The following CALN1 variants were observed in gnomAD, a reference collection of about 807,000 sequenced individuals.
CALN1 encodes the protein calneuron 1, also known as calcium-binding protein 8.
Under a neutral mutation model 30.6 loss-of-function variants are expected in CALN1, and 17 were observed. The observed-to-expected ratio is 0.56, with a 90% confidence interval of 0.38 to 0.83. The LOEUF is 0.83. CALN1 is among the 40% of genes least tolerant of loss of function. The pLI is 0.00. For missense variants in CALN1, 291 were observed against 354.9 expected (o/e 0.82, Z 1.45); for synonymous variants, 156 against 131.4 (o/e 1.19, Z -1.28).
At chr7:72,138,952 G>A (rs918272579) in intron 3 of CALN1, among the ~76,000 whole-genome samples, 11 of 152,134 alleles carry the variant, frequency 7.2e-5, no homozygotes, top group East Asian at 1.9e-4. Flanking sequence ...CCTTCTACCC[G>A]AACGCATTCG....
chr7:72,208,979 T>C (rs1562738841), intron 3 of CALN1, among the ~76,000 whole-genome samples: 2 of 149,488 alleles, frequency 1.3e-5, no homozygotes, highest in Admixed American at 6.7e-5. Context: ...TTCCTTCCTT[T>C]TCCTACTTCC....
chr7:72,164,082 T>C (rs1247149213), intron 3 of CALN1, among the ~76,000 whole-genome samples: 1 of 152,038 alleles, frequency 6.6e-6, no homozygotes, highest in African/African-American at 2.4e-5. Context: ...AAGATGGCCA[T>C]ATGGACCAGG....
At chr7:72,301,924 C>T (rs1475545296) in intron 2 of CALN1, among the ~76,000 whole-genome samples, 8 of 152,064 alleles carry the variant, frequency 5.3e-5, no homozygotes, top group African/African-American at 1.9e-4. Context: ...AAACCAGTGT[C>T]ACCGACAAGC....
chr7:72,254,629 G>T (rs1437869039), intron 3 of CALN1, among the ~76,000 whole-genome samples: 1 of 152,006 alleles, frequency 6.6e-6, no homozygotes, highest in African/African-American at 2.4e-5. Context: ...TCACTCCGTT[G>T]TTTTTTTATT....
chr7:72,056,752 C>T (rs573997308), intron 4 of CALN1, among the ~76,000 whole-genome samples: 8 of 151,996 alleles, frequency 5.3e-5, no homozygotes, highest in South Asian at 4.2e-4. Flanking sequence ...TCTTCAAATA[C>T]GAAGAAATTC....
At chr7:71,934,528 C>T (rs938157006) in intron 5 of CALN1, among the ~76,000 whole-genome samples, 3 of 152,118 alleles carry the variant, frequency 2.0e-5, no homozygotes, top group Non-Finnish European at 2.9e-5. Flanking sequence ...AGGTGTGCCA[C>T]GTGACAAGAA....
At chr7:72,408,266 C>T (rs1276779543) in intron 1 of CALN1, among the ~76,000 whole-genome samples, 3 of 111,592 alleles carry the variant, frequency 2.7e-5, no homozygotes, top group African/African-American at 1.1e-4. Context: ...AACCCCATCT[C>T]TATTAAAAAA....
chr7:72,359,191 C>T lies in CALN1; in HGVS notation c.119+44060G>A, dbSNP rs141467332. On this transcript the variant is annotated intron_variant, in intron 2 of 6. Coordinates refer to ENST00000395275, the MANE Select transcript of CALN1 (RefSeq NM_031468.4). ...GATTTTACTTTGCTAATTAGCATAACGCTCTATTTTAGAAGCCAGACCATG... is the reference window on the plus strand; with the variant it reads ...GATTTTACTTTGCTAATTAGCATAATGCTCTATTTTAGAAGCCAGACCATG... Among the ~76,000 whole-genome samples the T allele has an allele frequency of 4.7e-3, 709 of 152,198 alleles. 5 individuals carry two copies. Among genetic ancestry groups the T allele is most frequent in the African/African-American group, 0.016 (682 of 41,518 alleles).
chr7:72,175,732 C>G (rs973445549), intron 3 of CALN1, among the ~76,000 whole-genome samples: 1 of 151,810 alleles, frequency 6.6e-6, no homozygotes, highest in Non-Finnish European at 1.5e-5. Context: ...CTTTAAGTTC[C>G]AGCTCCCTTT....
chr7:72,007,178 G>A (rs1304811131), intron 5 of CALN1, among the ~76,000 whole-genome samples: 4 of 152,302 alleles, frequency 2.6e-5, no homozygotes, highest in Admixed American at 6.5e-5. Context: ...CGTATGGCAC[G>A]TGACTGACTT....
intron 3 of CALN1, among the ~76,000 whole-genome samples, chr7:72,130,878 A>G (rs1212715115): frequency 3.4e-5 from 3 of 88,754 alleles, no homozygotes; most frequent in Non-Finnish European, 6.6e-5. Context: ...TTTCTTAGGT[A>G]ATTTGAATAA....
chr7:72,117,662 A>G (rs977894672), intron 3 of CALN1, among the ~76,000 whole-genome samples: 2 of 152,034 alleles, frequency 1.3e-5, no homozygotes, highest in Non-Finnish European at 2.9e-5. Context: ...ATTGCTTAAG[A>G]ATGAGTCACT....
At chr7:72,344,574 A>T (rs1040792185) in intron 2 of CALN1, among the ~76,000 whole-genome samples, 67 of 147,278 alleles carry the variant, frequency 4.5e-4, no homozygotes, top group African/African-American at 1.6e-3. Flanking sequence ...ATATTTATTT[A>T]TATATTCTAT....
At chr7:71,968,094 A>T (rs1340541487) in intron 5 of CALN1, among the ~76,000 whole-genome samples, 3 of 152,214 alleles carry the variant, frequency 2.0e-5, no homozygotes, top group Non-Finnish European at 4.4e-5. Context: ...GAATATTTAT[A>T]GCGACTCTAT....
chr7:72,317,062 G>C (rs140329687), intron 2 of CALN1, among the ~76,000 whole-genome samples: 54,974 of 96,770 alleles, frequency 0.57, 13,558 homozygotes, highest in South Asian at 0.73. Flanking sequence ...AAGAGAGAGA[G>C]AGAAAGAGAG....
At chr7:72,194,059 T>C (rs940652200) in intron 3 of CALN1, among the ~76,000 whole-genome samples, 1 of 152,124 alleles carries the variant, frequency 6.6e-6, no homozygotes, top group Non-Finnish European at 1.5e-5. Flanking sequence ...ACTCAAGAAC[T>C]TAGTCATCTA....
chr7:72,238,141 G>C (rs896560507), intron 3 of CALN1, among the ~76,000 whole-genome samples: 3 of 152,292 alleles, frequency 2.0e-5, no homozygotes, highest in Non-Finnish European at 2.9e-5. Flanking sequence ...GGGAAACATT[G>C]CAATTGTTGC....
chr7:72,013,816 T>C (rs1407277697), intron 5 of CALN1, among the ~76,000 whole-genome samples: 2 of 152,162 alleles, frequency 1.3e-5, no homozygotes, highest in South Asian at 2.1e-4. Flanking sequence ...GAAAATATTA[T>C]TTCTAACAAT....
intron 5 of CALN1, among the ~76,000 whole-genome samples, chr7:71,905,373 T>C (rs1161792956): frequency 6.8e-6 from 1 of 146,840 alleles, no homozygotes; most frequent in Non-Finnish European, 1.5e-5. Context: ...ACATTGTACC[T>C]AATGTGTAGT....
Sources: allele counts gnomAD v4.1 joint callset (sites outside exome capture counted in the v4.1 genomes callset), GRCh38; gene constraint gnomAD v4.1.1; transcripts MANE v1.5; gene names NCBI Gene and HGNC (gene_info 2026-07-23, HGNC 2026-07-21).